CDH13: variants seen among roughly 807,000 people sequenced by gnomAD.
CDH13 encodes cadherin-13.
In CDH13, 24 loss-of-function variants were observed where a neutral mutation model predicts 63.8. That is an observed-to-expected ratio of 0.38 (90% CI 0.27 to 0.53). The LOEUF (loss-of-function observed/expected upper bound fraction) is 0.53. Among genes scored for constraint, CDH13 ranks in the 20% least tolerant of loss-of-function variants. The pLI is 0.85. For synonymous variants in CDH13, 503 were observed against 355.3 expected (o/e 1.42, Z -4.67); for missense variants, 1,049 against 903.1 (o/e 1.16, Z -2.07).
intron 7 of CDH13, among the ~76,000 whole-genome samples, chr16:83,512,091 G>A (rs991041144): frequency 2.6e-5 from 4 of 152,064 alleles, no homozygotes; most frequent in African/African-American, 9.7e-5. Flanking sequence ...GGAGGCCGAG[G>A]CGGGCGGATC....
intron 2 of CDH13, among the ~76,000 whole-genome samples, chr16:83,003,342 A>C (rs550420017): frequency 7.3e-5 from 11 of 151,722 alleles, no homozygotes; most frequent in Non-Finnish European, 1.0e-4. Flanking sequence ...TTGTGACTCC[A>C]GGTAGCATTG....
chr16:82,716,182 AAGACTTCCCTCTTGGGTTC>A (rs1373533258), intron 1 of CDH13, among the ~76,000 whole-genome samples: 1 of 152,176 alleles, frequency 6.6e-6, no homozygotes, highest in African/African-American at 2.4e-5. Context: ...GAGCCTGGAA[AAGACTTCCCTCTTGGGTTC>A]AGGCATGTCC....
intron 4 of CDH13, among the ~76,000 whole-genome samples, chr16:83,128,429 G>T (rs943038989): frequency 2.6e-5 from 4 of 152,174 alleles, no homozygotes; most frequent in Non-Finnish European, 2.9e-5. Flanking sequence ...AGGTGATTGT[G>T]ATGCACACTC....
At chr16:83,542,788 G>A (rs1471205558) in intron 7 of CDH13, among the ~76,000 whole-genome samples, 1 of 152,176 alleles carries the variant, frequency 6.6e-6, no homozygotes, top group Non-Finnish European at 1.5e-5. Flanking sequence ...CTGAACATCT[G>A]TCTCTGTGTC....
At chr16:82,788,426 C>T (rs2036128928) in intron 1 of CDH13, among the ~76,000 whole-genome samples, 2 of 152,188 alleles carry the variant, frequency 1.3e-5, no homozygotes, top group Non-Finnish European at 1.5e-5. Context: ...TAACAGGTAT[C>T]ATGGCCTTGG....
chr16:83,743,748 C>CTTTTGTTTTTTTTT (rs1912281679), intron 10 of CDH13, among the ~76,000 whole-genome samples: 1 of 76,258 alleles, frequency 1.3e-5, no homozygotes, highest in Non-Finnish European at 2.2e-5. Context: ...TTTCTTTTTT[C>CTTTTGTTTTTTTTT]TTTTTTTTTT....
chr16:83,256,320 A>G (rs1906251408), intron 5 of CDH13, among the ~76,000 whole-genome samples: 1 of 152,116 alleles, frequency 6.6e-6, no homozygotes, highest in Non-Finnish European at 1.5e-5. Context: ...AGCATGTACC[A>G]CTACACTTGG....
At chr16:83,303,821 C>T (rs1434983895) in intron 5 of CDH13, among the ~76,000 whole-genome samples, 2 of 152,186 alleles carry the variant, frequency 1.3e-5, no homozygotes, top group South Asian at 2.1e-4. Context: ...AAATCATCTA[C>T]CCACCCTTAA....
intron 10 of CDH13, among the ~76,000 whole-genome samples, chr16:83,709,795 G>A (rs1907728015): frequency 6.6e-6 from 1 of 152,174 alleles, no homozygotes; most frequent in African/African-American, 2.4e-5. Flanking sequence ...TATTCACTCT[G>A]CATTTTAGAA....
intron 1 of CDH13, among the ~76,000 whole-genome samples, chr16:82,751,484 T>C (rs114022103): frequency 0.015 from 2,293 of 152,130 alleles, 58 homozygotes; most frequent in African/African-American, 0.053. Flanking sequence ...ACTGACCTCC[T>C]ACTACAGCAC....
At chr16:83,077,308 C>T (rs1443133975) in intron 3 of CDH13, among the ~76,000 whole-genome samples, 2 of 143,868 alleles carry the variant, frequency 1.4e-5, no homozygotes, top group Non-Finnish European at 3.0e-5. Context: ...TCTTGTGTCT[C>T]AGCCTTCTGA....
At chr16:82,680,152 T>G (rs1555532853) in intron 1 of CDH13, among the ~76,000 whole-genome samples, 1 of 152,284 alleles carries the variant, frequency 6.6e-6, no homozygotes, top group South Asian at 2.1e-4. Flanking sequence ...AATCTGGGCC[T>G]GCAGGAAGGA....
intron 2 of CDH13, among the ~76,000 whole-genome samples, chr16:82,962,172 A>G (rs192479543): frequency 4.9e-4 from 74 of 152,336 alleles, no homozygotes; most frequent in African/African-American, 1.7e-3. Flanking sequence ...ATCTGAGCGT[A>G]TCCTAAATTG....
intron 2 of CDH13, among the ~76,000 whole-genome samples, chr16:82,982,254 AC>A (rs1910366685): frequency 1.3e-5 from 2 of 152,076 alleles, no homozygotes; most frequent in Admixed American, 6.5e-5. Flanking sequence ...TATAAATAAT[AC>A]TTATCTTATA....
At chr16:83,357,243 T>C (rs1299544553) in intron 6 of CDH13, among the ~76,000 whole-genome samples, 2 of 152,170 alleles carry the variant, frequency 1.3e-5, no homozygotes, top group Non-Finnish European at 2.9e-5. Context: ...ACCCTCTATC[T>C]AGCTGAAGAG....
In CDH13 at chr16:83,746,930, G is replaced by A. The variant is rs1307195221; in HGVS notation, c.1539-1178G>A. On this transcript the variant is annotated intron_variant, in intron 10 of 13. Transcript: ENST00000567109. The stretch of plus-strand genomic sequence containing the variant: ...AAGTAACATTTTAAAATCTTGGATG[G>A]TTTCCCATTATCCAAAGTCAAAACC... Among the ~76,000 whole-genome samples the A allele has an allele frequency of 2.6e-5, 4 of 152,280 alleles. No individual in the cohort carries two copies. In the East Asian group the frequency reaches 5.8e-4, roughly 22 times the overall value.
At chr16:82,725,859 A>T (rs551331314) in intron 1 of CDH13, among the ~76,000 whole-genome samples, 1 of 152,270 alleles carries the variant, frequency 6.6e-6, no homozygotes, top group South Asian at 2.1e-4. Flanking sequence ...CCAGATAATT[A>T]TTGCAGTTCT....
chr16:83,583,499 T>G (rs960518479), intron 7 of CDH13, among the ~76,000 whole-genome samples: 4 of 152,264 alleles, frequency 2.6e-5, no homozygotes, highest in Admixed American at 2.0e-4. Context: ...ACTTGCTGAT[T>G]TTGTTCTGTG....
At chr16:83,422,649 G>A (rs559731578) in intron 6 of CDH13, among the ~76,000 whole-genome samples, 53 of 152,292 alleles carry the variant, frequency 3.5e-4, no homozygotes, top group African/African-American at 1.2e-3. Context: ...TTGTGACACT[G>A]CTGCTAAAGT....
Sources: gnomAD v4.1 joint callset for allele counts (sites outside exome capture counted in the v4.1 genomes callset) on GRCh38, gnomAD v4.1.1 for gene constraint, MANE v1.5 for transcripts, NCBI Gene and HGNC (gene_info 2026-07-23, HGNC 2026-07-21) for gene names.